The following PLCG2 variants were observed in gnomAD, a reference collection of about 807,000 sequenced individuals.
PLCG2 encodes 1-phosphatidylinositol 4,5-bisphosphate phosphodiesterase gamma-2.
PLCG2 carries 69 observed loss-of-function variants against 175.6 expected under a neutral mutation model. That is an observed-to-expected ratio of 0.39 (90% CI 0.32 to 0.48). PLCG2 has a LOEUF of 0.48. Ranked by LOEUF, PLCG2 falls within the 20% of genes least tolerant of loss-of-function variation. PLCG2 has a pLI of 0.91. For synonymous variants in PLCG2, 827 were observed against 624.0 expected (o/e 1.33, Z -4.85); for missense variants, 1,798 against 1,650.9 (o/e 1.09, Z -1.54).
upstream of PLCG2, among the ~76,000 whole-genome samples, chr16:81,775,751 T>C (rs1434902117): frequency 1.3e-5 from 2 of 152,222 alleles, no homozygotes; most frequent in South Asian, 4.1e-4. Context: ...TTTCAGGTTA[T>C]TCTTTCTTAC....
chr16:81,937,491 A>G, intron 27 of PLCG2: 1 of 316,718 alleles, frequency 3.2e-6, no homozygotes, highest in Non-Finnish European at 5.8e-6. Context: ...TGCCTATGCA[A>G]TTTATTGCTA....
At chr16:81,940,354 C>T (rs571734934) in intron 30 of PLCG2, among the ~76,000 whole-genome samples, 6 of 152,168 alleles carry the variant, frequency 3.9e-5, no homozygotes, top group African/African-American at 1.2e-4. Flanking sequence ...ATATTACATG[C>T]GGTTTGCTTC....
intron 2 of PLCG2, among the ~76,000 whole-genome samples, chr16:81,826,054 C>T (rs1310274451): frequency 5.3e-5 from 8 of 152,280 alleles, no homozygotes; most frequent in Non-Finnish European, 1.2e-4. Context: ...TCAAACTCAA[C>T]GTGTCCAAAA....
chr16:81,875,448 A>G (rs1288372169), intron 7 of PLCG2, among the ~76,000 whole-genome samples: 1 of 152,198 alleles, frequency 6.6e-6, no homozygotes, highest in Non-Finnish European at 1.5e-5. Context: ...TTTGACGCAT[A>G]GCCATGGAAT....
rs59970301 is a variant in PLCG2 at position 81,822,761 on chromosome 16, C to CAAAAAAAAAA, written c.194-31672_194-31663dup. Among the ~76,000 whole-genome samples the CAAAAAAAAAA allele has an allele frequency of 3.7e-3, 258 of 69,040 alleles. 2 individuals are homozygous for CAAAAAAAAAA. Among genetic ancestry groups the CAAAAAAAAAA allele is most frequent in the Middle Eastern group, 0.022 (1 of 46 alleles). The allele number at this position is 69,040 out of a possible 152,430, so 45.3% of individuals were successfully genotyped here. On this transcript the variant is annotated intron_variant, in intron 2 of 32. Coordinates refer to ENST00000564138, the MANE Select transcript of PLCG2 (RefSeq NM_002661.5). The stretch of plus-strand genomic sequence containing the variant: ...GGGAGACAAGAGCGAGACTCCATCT[C>CAAAAAAAAAA]AAAAAAAAAAAAAAAAAAAAGAAAA...
intron 2 of PLCG2, among the ~76,000 whole-genome samples, chr16:81,832,061 G>A (rs1055492034): frequency 2.6e-5 from 4 of 152,184 alleles, no homozygotes; most frequent in Middle Eastern, 6.8e-3. Context: ...ACCAGCAGTG[G>A]GCTTTGTCGT....
intron 15 of PLCG2, chr16:81,906,259 T>G (rs1429130915): frequency 6.6e-6 from 1 of 152,230 alleles, no homozygotes; most frequent in Non-Finnish European, 1.5e-5. Flanking sequence ...TTGTCCTGAC[T>G]CCTTCGTGTC....
At chr16:81,864,337 C>G (rs1344932772) in intron 5 of PLCG2, among the ~76,000 whole-genome samples, 2 of 152,178 alleles carry the variant, frequency 1.3e-5, no homozygotes, top group Non-Finnish European at 2.9e-5. Context: ...TTCAACAAAA[C>G]AAAACAAAAT....
At chr16:81,888,827 T>C (rs576357536) in intron 9 of PLCG2, among the ~76,000 whole-genome samples, 2 of 152,356 alleles carry the variant, frequency 1.3e-5, no homozygotes, top group East Asian at 3.9e-4. Context: ...AGCTGACCAC[T>C]TGTTTTTATA....
At chr16:81,851,366 C>T (rs905741692) in intron 2 of PLCG2, among the ~76,000 whole-genome samples, 4 of 152,178 alleles carry the variant, frequency 2.6e-5, no homozygotes, top group African/African-American at 4.8e-5. Context: ...TTTTTACATA[C>T]ACTCCGTTTT....
intron 2 of PLCG2, among the ~76,000 whole-genome samples, chr16:81,794,008 G>A (rs1203041588): frequency 6.6e-6 from 1 of 152,208 alleles, no homozygotes; most frequent in Non-Finnish European, 1.5e-5. Context: ...ACCAAAGAAT[G>A]GCAGCTTCAT....
chr16:81,786,543 G>T (rs1240977817), intron 2 of PLCG2, among the ~76,000 whole-genome samples: 1 of 152,188 alleles, frequency 6.6e-6, no homozygotes, highest in African/African-American at 2.4e-5. Flanking sequence ...ATTAGCCCAA[G>T]CCTGCAGAAA....
chr16:81,840,856 A>G (rs969947729), intron 2 of PLCG2, among the ~76,000 whole-genome samples: 1 of 152,148 alleles, frequency 6.6e-6, no homozygotes, highest in Non-Finnish European at 1.5e-5. Flanking sequence ...TTGGGGGTGG[A>G]TCCAGCTAGA....
At chr16:81,873,635 A>C (rs1313859840) in intron 7 of PLCG2, among the ~76,000 whole-genome samples, 2 of 152,216 alleles carry the variant, frequency 1.3e-5, no homozygotes, top group Non-Finnish European at 2.9e-5. Context: ...GTTTGAAAAT[A>C]AGATTTGCAC....
chr16:81,785,456 T>A (rs796543197), intron 1 of PLCG2, among the ~76,000 whole-genome samples: 7 of 151,978 alleles, frequency 4.6e-5, no homozygotes, highest in African/African-American at 1.7e-4. Flanking sequence ...AAAGTCTCCA[T>A]GGATGATTCT....
intron 5 of PLCG2, among the ~76,000 whole-genome samples, chr16:81,866,659 G>C (rs1274685508): frequency 7.9e-6 from 1 of 126,862 alleles, no homozygotes; most frequent in Non-Finnish European, 1.8e-5. Context: ...AGCTCCACTG[G>C]GGCACCAGCG....
chr16:81,887,052 A>T (rs1167715080), intron 9 of PLCG2, among the ~76,000 whole-genome samples: 8 of 151,988 alleles, frequency 5.3e-5, no homozygotes, highest in Admixed American at 1.3e-4. Context: ...TAAATGCAAA[A>T]ACTTTGTAGG....
At chr16:81,833,217 C>T (rs188564785) in intron 2 of PLCG2, among the ~76,000 whole-genome samples, 4 of 152,336 alleles carry the variant, frequency 2.6e-5, no homozygotes, top group East Asian at 1.9e-4. Context: ...ATGAAAATCA[C>T]CCTTTAAAGA....
chr16:81,936,083 T>C, intron 26 of PLCG2, 86 bp from the exon 27 acceptor site: 1 of 1,543,724 alleles, frequency 6.5e-7, no homozygotes. Context: ...CCTTTTATAA[T>C]CTGAGCATCC....
Sources: gnomAD v4.1 joint callset for allele counts (sites outside exome capture counted in the v4.1 genomes callset) on GRCh38, gnomAD v4.1.1 for gene constraint, MANE v1.5 for transcripts, NCBI Gene and HGNC (gene_info 2026-07-23, HGNC 2026-07-21) for gene names.